Variants in KIAA1671 observed in about 807,000 individuals in gnomAD.
The protein encoded by KIAA1671 is uncharacterized protein KIAA1671.
In KIAA1671, 52 loss-of-function variants were observed where a neutral mutation model predicts 131.2. That is an observed-to-expected ratio of 0.40 (90% CI 0.32 to 0.50). The LOEUF (loss-of-function observed/expected upper bound fraction) is 0.50. Ranked by LOEUF, KIAA1671 falls within the 20% of genes least tolerant of loss-of-function variation. KIAA1671 has a pLI of 0.73. For synonymous variants in KIAA1671, 1,003 were observed against 961.6 expected (o/e 1.04, Z -0.80); for missense variants, 2,360 against 2,364.2 (o/e 1.00, Z 0.04).
intron 6 of KIAA1671, among the ~76,000 whole-genome samples, chr22:25,071,171 C>G (rs938745522): frequency 1.3e-5 from 2 of 152,210 alleles, no homozygotes; most frequent in African/African-American, 4.8e-5. Context: ...AATAGAGGGA[C>G]TTACCGAAGA....
intron 6 of KIAA1671, among the ~76,000 whole-genome samples, chr22:25,150,902 G>A (rs1046243971): frequency 2.0e-5 from 3 of 146,580 alleles, no homozygotes; most frequent in African/African-American, 7.6e-5. Flanking sequence ...GCGCAATCTC[G>A]GCTTACTGCA....
At chr22:25,057,337 C>G (rs1004818575) in intron 6 of KIAA1671, 1 of 152,196 alleles carries the variant, frequency 6.6e-6, no homozygotes, top group Admixed American at 6.5e-5. Context: ...ACCAAGGCCA[C>G]GCAGGGCCCC....
chr22:25,122,900 G>A (rs189206389), intron 6 of KIAA1671, among the ~76,000 whole-genome samples: 3 of 152,176 alleles, frequency 2.0e-5, no homozygotes, highest in East Asian at 3.9e-4. Flanking sequence ...GTGTGAACCC[G>A]GGAGACAGAG....
At chr22:25,174,064 G>A (rs1194931056) in intron 7 of KIAA1671, among the ~76,000 whole-genome samples, 176 bp from the exon 8 acceptor site, 2 of 152,182 alleles carry the variant, frequency 1.3e-5, no homozygotes, top group African/African-American at 2.4e-5. Context: ...ACAGCACCTC[G>A]CTGGCACATC....
rs56856134 is a variant in KIAA1671 at position 25,121,417 on chromosome 22, A to G, written c.4531-49403A>G. On this transcript the variant is annotated intron_variant, in intron 6 of 12. Coordinates refer to ENST00000358431, the MANE Select transcript of KIAA1671 (RefSeq NM_001145206.2). ...GCGGAGCCTGCAGTGAGCCAAGATC[A>G]CGCCACTGCACTCCAGCCTGGGCGA... 1.3e-3 allele frequency among the ~76,000 whole-genome samples: 195 copies of G among 151,110 alleles called. 1 individual carries two copies. The highest frequency in any genetic ancestry group is 4.6e-3 in the African/African-American group (190 of 41,108).
intron 1 of KIAA1671, among the ~76,000 whole-genome samples, chr22:24,996,865 C>A (rs5760782): frequency 0.22 from 33,396 of 151,892 alleles, 5,184 homozygotes; most frequent in African/African-American, 0.44. Flanking sequence ...GGATGGGTGC[C>A]GCAGCAGGAA....
intron 6 of KIAA1671, among the ~76,000 whole-genome samples, chr22:25,079,745 C>T (rs541983604): frequency 5.3e-5 from 8 of 152,198 alleles, no homozygotes; most frequent in African/African-American, 1.7e-4. Flanking sequence ...GTGACCATGC[C>T]GGGCCTTGCA....
chr22:25,107,276 G>A (rs1348609645), intron 6 of KIAA1671, among the ~76,000 whole-genome samples: 1 of 151,932 alleles, frequency 6.6e-6, no homozygotes, highest in Non-Finnish European at 1.5e-5. Flanking sequence ...AATTAGCCGG[G>A]CGTGGTGGCA....
Position 25,049,210 on chromosome 22 carries a change from T to C in KIAA1671, c.4396-20T>C. ...GAGAAGGCTCCCAGTAAAGTCCTTTTCTTGTGCTCTGTGTTTCAGGTGCTG... is the reference window on the plus strand; with the variant it reads ...GAGAAGGCTCCCAGTAAAGTCCTTTCCTTGTGCTCTGTGTTTCAGGTGCTG... On this transcript the variant is annotated intron_variant, in intron 5 of 12. Transcript: ENST00000358431. 6.5e-7 allele frequency: 1 copy of C among 1,549,194 alleles called. No homozygotes were observed. Among genetic ancestry groups the C allele is most frequent in the Non-Finnish European group, 8.7e-7 (1 of 1,144,896 alleles).
In KIAA1671 at chr22:25,174,506, G is replaced by A. The variant is rs965132538; in HGVS notation, c.4899+17G>A. The A allele has an allele frequency of 1.3e-6, 2 of 1,490,208 alleles. No homozygotes were observed. The highest frequency in any genetic ancestry group is 1.8e-6 in the Non-Finnish European group (2 of 1,115,712). 92.3% of individuals were successfully genotyped at this position (1,490,208 alleles called of 1,614,324 possible). A position where few individuals can be genotyped will look rare whatever the true frequency, so the allele number is the denominator to read the frequency against. ...TTCATTGATGTAAGTCAGTGGCCAG[G>A]AGCATTTCTTCTTAAATGGAAATTC... is the stretch of plus-strand genomic sequence containing the variant. On this transcript the variant is annotated intron_variant, in intron 8 of 12. Transcript: ENST00000358431.
At chr22:24,963,817 G>A (rs1408941773) in intron 1 of KIAA1671, among the ~76,000 whole-genome samples, 3 of 151,800 alleles carry the variant, frequency 2.0e-5, no homozygotes, top group South Asian at 4.2e-4. Flanking sequence ...GCAGGTGCCT[G>A]TATTCCCAGC....
At chr22:25,064,872 C>A (rs540809726) in intron 6 of KIAA1671, 1 of 152,250 alleles carries the variant, frequency 6.6e-6, no homozygotes, top group African/African-American at 2.4e-5. Context: ...TGGTGCCAGG[C>A]CCCGAGACCA....
Position 25,028,749 on chromosome 22 carries a change from C to A in KIAA1671, c.750C>A (p.Ser250=), listed in dbSNP as rs1926104057. 2.6e-6 allele frequency: 4 copies of A among 1,551,306 alleles called. No homozygotes were observed. The highest frequency in any genetic ancestry group is 3.5e-6 in the Non-Finnish European group (4 of 1,147,016). The change falls in exon 3 of 13, where the codon TCC becomes TCA. Residue 250 remains serine (S), a synonymous_variant. Coordinates refer to ENST00000358431, the MANE Select transcript of KIAA1671 (RefSeq NM_001145206.2). ...RRPVSAIFTE[S]IQPQKPGPGA... Reference sequence around the variant, plus strand: ...CCGTGTCTGCCATTTTCACGGAGTCCATTCAGCCTCAGAAGCCAGGCCCCG... The same window carrying A: ...CCGTGTCTGCCATTTTCACGGAGTCAATTCAGCCTCAGAAGCCAGGCCCCG...
At chr22:24,996,910 C>T (rs1279913032) in intron 1 of KIAA1671, among the ~76,000 whole-genome samples, 1 of 152,166 alleles carries the variant, frequency 6.6e-6, no homozygotes, top group African/African-American at 2.4e-5. Context: ...CCAACAGCAT[C>T]TCCCATAGGT....
chr22:24,970,640 A>G (rs1215120933), intron 1 of KIAA1671, among the ~76,000 whole-genome samples: 3 of 151,180 alleles, frequency 2.0e-5, no homozygotes, highest in Admixed American at 6.6e-5. Context: ...CAGGGGTCCA[A>G]TCTTTCGGCT....
intron 6 of KIAA1671, chr22:25,070,378 T>C: frequency 2.0e-6 from 1 of 509,964 alleles, no homozygotes; most frequent in Non-Finnish European, 3.7e-6. Flanking sequence ...GGAGTATTAC[T>C]ACTGCCCCAG....
chr22:25,110,748 C>A (rs1048056536), intron 6 of KIAA1671, among the ~76,000 whole-genome samples: 2 of 152,172 alleles, frequency 1.3e-5, no homozygotes, highest in Non-Finnish European at 2.9e-5. Flanking sequence ...GTCGTACCCC[C>A]AACCCCTAGT....
Position 25,149,996 on chromosome 22 carries a change from C to G in KIAA1671, c.4531-20824C>G, listed in dbSNP as rs77485036. Among the ~76,000 whole-genome samples the G allele has an allele frequency of 4.2e-3, 632 of 152,272 alleles. 23 individuals are homozygous for G. The East Asian group carries it at 0.081, about 19-fold the overall frequency. ...AGCCTCGGCCTTTGCGCTTCCCGTG[C>G]CTGGTTGAAATGGTCGGCTTTAATA... On this transcript the variant is annotated intron_variant, in intron 6 of 12. Transcript: ENST00000358431.
chr22:25,184,052 G>T (rs1934386012), intron 10 of KIAA1671, among the ~76,000 whole-genome samples: 1 of 152,148 alleles, frequency 6.6e-6, no homozygotes, highest in East Asian at 1.9e-4. Context: ...TGTGAAAACG[G>T]GGCTCTGGCC....
Sources: gnomAD v4.1 joint callset for allele counts (sites outside exome capture counted in the v4.1 genomes callset) on GRCh38, gnomAD v4.1.1 for gene constraint, MANE v1.5 for transcripts, NCBI Gene and HGNC (gene_info 2026-07-23, HGNC 2026-07-21) for gene names.